LAMA4: variants seen among roughly 807,000 people sequenced by gnomAD.
LAMA4 encodes the protein laminin subunit alpha-4.
In LAMA4, 127 loss-of-function variants were observed where a neutral mutation model predicts 207.1. That is an observed-to-expected ratio of 0.61 (90% CI 0.53 to 0.71). LAMA4 has a LOEUF of 0.71. Among genes scored for constraint, LAMA4 ranks in the 30% least tolerant of loss-of-function variants. LAMA4 has a pLI of 0.00. For missense variants in LAMA4, 2,093 were observed against 2,246.5 expected (o/e 0.93, Z 1.38); for synonymous variants, 761 against 816.0 (o/e 0.93, Z 1.15).
rs782038294 is a variant in LAMA4, at chr6:112,144,967, TAACTC to T, written c.2354-39_2354-35del. The stretch of plus-strand genomic sequence containing the variant: ...AATAAAAATTAATCATTTAAGAAAA[TAACTC>T]AATATTATATTTCAAGAATCAGATG... On this transcript the variant is annotated intron_variant, in intron 18 of 38. Coordinates refer to ENST00000230538, the MANE Select transcript of LAMA4 (RefSeq NM_001105206.3). 15 of 1,542,892 alleles carry T rather than the reference TAACTC, an allele frequency of 9.7e-6. No individual in the cohort carries two copies. In the East Asian group the frequency reaches 2.3e-4, roughly 24 times the overall value.
intron 5 of LAMA4, among the ~76,000 whole-genome samples, chr6:112,199,500 T>G (rs1554351504): frequency 6.6e-6 from 1 of 152,168 alleles, no homozygotes; most frequent in African/African-American, 2.4e-5. Flanking sequence ...GTGCCTCCTA[T>G]TCCTGTGTCT....
At chr6:112,251,784 A>C (rs929813146) in intron 2 of LAMA4, among the ~76,000 whole-genome samples, 1 of 152,064 alleles carries the variant, frequency 6.6e-6, no homozygotes, top group African/African-American at 2.4e-5. Context: ...GAACATAATT[A>C]CCTCAATCTC....
intron 11 of LAMA4, 42 bp from the exon 12 acceptor site, chr6:112,172,846 T>A (rs1321339618): frequency 1.3e-6 from 2 of 1,544,710 alleles, no homozygotes; most frequent in African/African-American, 1.4e-5. Flanking sequence ...GGCTTTCTCC[T>A]GTTCGCTTCC....
chr6:112,242,535 G>A (rs1786593084), intron 2 of LAMA4, among the ~76,000 whole-genome samples: 1 of 152,176 alleles, frequency 6.6e-6, no homozygotes, highest in African/African-American at 2.4e-5. Context: ...ACAGCCTGGG[G>A]ATATGGTGAA....
intron 12 of LAMA4, among the ~76,000 whole-genome samples, chr6:112,171,269 C>T (rs188184834): frequency 2.0e-5 from 3 of 151,214 alleles, no homozygotes; most frequent in East Asian, 1.9e-4. Context: ...TTTTCTAACC[C>T]GCGAAATGGC....
chr6:112,158,905 A>T, intron 13 of LAMA4, 25 bp from the exon 14 acceptor site: 1 of 1,504,922 alleles, frequency 6.6e-7, no homozygotes, highest in Non-Finnish European at 9.2e-7. Flanking sequence ...TTTAATAAAT[A>T]CATTGAATTT....
Position 112,178,300 on chromosome 6 carries a change from G to C in LAMA4, c.1078-68C>G, listed in dbSNP as rs1213811647. 7.5e-6 allele frequency: 8 copies of C among 1,070,610 alleles called. No individual in the cohort carries two copies. The East Asian group carries it at 1.7e-4, about 23-fold the overall frequency. The allele number at this position is 1,070,610 out of a possible 1,614,324, so 66.3% of individuals were successfully genotyped here. A position where few individuals can be genotyped will look rare whatever the true frequency, so the allele number is the denominator to read the frequency against. On this transcript the variant is annotated intron_variant, in intron 9 of 38. Coordinates refer to ENST00000230538, the MANE Select transcript of LAMA4 (RefSeq NM_001105206.3). The stretch of plus-strand genomic sequence containing the variant: ...AAGAATGTTGTATAAGCACAGATAG[G>C]GGTGGGTGGGCATAATGTATTTCCT...
intron 25 of LAMA4, among the ~76,000 whole-genome samples, chr6:112,135,419 G>C (rs1208239790): frequency 6.6e-6 from 1 of 152,136 alleles, no homozygotes; most frequent in Non-Finnish European, 1.5e-5. Context: ...GCTAGTCAGA[G>C]AAATAGTTAA....
At chr6:112,194,789 G>A (rs1783315036) in intron 5 of LAMA4, among the ~76,000 whole-genome samples, 1 of 152,168 alleles carries the variant, frequency 6.6e-6, no homozygotes, top group African/African-American at 2.4e-5. Context: ...AAAAGCACCA[G>A]TATTTGAGTT....
At chr6:112,134,369 A>G in intron 26 of LAMA4, 98 bp downstream of exon 26, 1 of 1,204,616 alleles carries the variant, frequency 8.3e-7, no homozygotes, top group Non-Finnish European at 1.2e-6. Context: ...GTGTAAAAGT[A>G]GCAAGTAAGG....
chr6:112,176,167 A>G (rs1782013074), intron 10 of LAMA4, among the ~76,000 whole-genome samples: 1 of 152,164 alleles, frequency 6.6e-6, no homozygotes. Flanking sequence ...CCCCACTTCC[A>G]TAAGTCAGGT....
chr6:112,244,523 C>T (rs1001314871), intron 2 of LAMA4, among the ~76,000 whole-genome samples: 6 of 152,184 alleles, frequency 3.9e-5, no homozygotes, highest in African/African-American at 1.2e-4. Flanking sequence ...CCTTTTATTC[C>T]TTTACTTTCT....
chr6:112,190,433 C>T (rs554375533), intron 6 of LAMA4, among the ~76,000 whole-genome samples: 1 of 152,284 alleles, frequency 6.6e-6, no homozygotes, highest in South Asian at 2.1e-4. Flanking sequence ...AAACTCCTTA[C>T]TCCTTGAATC....
intron 10 of LAMA4, 121 bp downstream of exon 10, chr6:112,178,000 A>G: frequency 1.3e-6 from 1 of 765,994 alleles, no homozygotes; most frequent in Non-Finnish European, 2.3e-6. Context: ...TAAACCTATA[A>G]TACTGTACCA....
chr6:112,229,434 A>G (rs1181234204), intron 2 of LAMA4, among the ~76,000 whole-genome samples: 1 of 152,300 alleles, frequency 6.6e-6, no homozygotes, highest in Non-Finnish European at 1.5e-5. Flanking sequence ...TCAACTTTCC[A>G]TTTCAAAAAG....
intron 2 of LAMA4, among the ~76,000 whole-genome samples, chr6:112,232,721 G>A (rs1256442493): frequency 6.6e-6 from 1 of 152,160 alleles, no homozygotes; most frequent in African/African-American, 2.4e-5. Flanking sequence ...GAAAATGACT[G>A]CAAAGGGAAT....
chr6:112,114,029 A>G (rs781964329), intron 38 of LAMA4, 47 bp downstream of exon 38: 3 of 1,607,368 alleles, frequency 1.9e-6, no homozygotes, highest in South Asian at 2.2e-5. Context: ...AATTGTGAGA[A>G]CTCAGTTTTT....
intron 13 of LAMA4, among the ~76,000 whole-genome samples, chr6:112,161,368 G>A (rs781926361): frequency 3.3e-5 from 5 of 152,162 alleles, no homozygotes; most frequent in Admixed American, 1.3e-4. Flanking sequence ...CAAAGGGTTT[G>A]TAGTACAAAG....
chr6:112,234,174 C>T (rs1025753048), intron 2 of LAMA4: 13 of 151,346 alleles, frequency 8.6e-5, no homozygotes, highest in African/African-American at 3.2e-4. Flanking sequence ...TTTTATTTTT[C>T]ATTCTGCCGT....
Sources: allele counts gnomAD v4.1 joint callset (sites outside exome capture counted in the v4.1 genomes callset), GRCh38; gene constraint gnomAD v4.1.1; transcripts MANE v1.5; gene names NCBI Gene and HGNC (gene_info 2026-07-23, HGNC 2026-07-21).